CACNA1A: variants seen among roughly 807,000 people sequenced by gnomAD.
CACNA1A encodes calcium voltage-gated channel subunit alpha1 A.
CACNA1A carries 57 observed loss-of-function variants against 262.4 expected under a neutral mutation model. The ratio of observed to expected loss-of-function variants is 0.22; its 90% confidence interval spans 0.18 to 0.27. CACNA1A has a LOEUF of 0.27. Ranked by LOEUF, CACNA1A falls within the 10% of genes least tolerant of loss-of-function variation. The pLI is 1.00. For synonymous variants in CACNA1A, 1,431 were observed against 1,419.3 expected (o/e 1.01, Z -0.18); for missense variants, 2,526 against 3,562.8 (o/e 0.71, Z 7.41).
chr19:13,367,998 G>T (rs2059247755), intron 4 of CACNA1A, among the ~76,000 whole-genome samples: 1 of 151,934 alleles, frequency 6.6e-6, no homozygotes, highest in Non-Finnish European at 1.5e-5. Flanking sequence ...TTCCACTGTT[G>T]TAAGACTCGA....
chr19:13,401,012 C>A (rs2059891562), intron 3 of CACNA1A, among the ~76,000 whole-genome samples: 1 of 152,080 alleles, frequency 6.6e-6, no homozygotes, highest in Non-Finnish European at 1.5e-5. Context: ...TTTTTAGAGA[C>A]AGGGTTTTGC....
chr19:13,432,330 G>A (rs966117926), intron 3 of CACNA1A, among the ~76,000 whole-genome samples: 1 of 151,382 alleles, frequency 6.6e-6, no homozygotes. Context: ...CTGGAGAATC[G>A]CTTGAACCCA....
rs373022893 is a variant in CACNA1A at position 13,360,340 on chromosome 19, G to C, written c.785-541C>G. Among the ~76,000 whole-genome samples the C allele has an allele frequency of 5.4e-4, 81 of 150,986 alleles. 2 individuals carry two copies. In the South Asian group the frequency reaches 0.017, roughly 31 times the overall value. ...GAGAACGGGGGGAGAGAGAGAGCGA[G>C]AGAGAAGTATAAAACAATATAATGA... On this transcript the variant is annotated intron_variant, in intron 5 of 46. Coordinates refer to ENST00000360228, the MANE Select transcript of CACNA1A (RefSeq NM_001127222.2).
chr19:13,348,245 A>G (rs2145199795), intron 6 of CACNA1A, among the ~76,000 whole-genome samples: 1 of 152,348 alleles, frequency 6.6e-6, no homozygotes, highest in South Asian at 2.1e-4. Flanking sequence ...TTATGATCAC[A>G]AATTAAACGC....
At chr19:13,239,635 G>C (rs1189143199) in intron 31 of CACNA1A, among the ~76,000 whole-genome samples, 1 of 152,166 alleles carries the variant, frequency 6.6e-6, no homozygotes, top group Non-Finnish European at 1.5e-5. Flanking sequence ...CCCTCTAAGG[G>C]CCTCATTGGT....
At chr19:13,257,288 T>G in intron 28 of CACNA1A, 62 bp downstream of exon 28, 2 of 1,370,210 alleles carry the variant, frequency 1.5e-6, no homozygotes, top group Non-Finnish European at 2.1e-6. Flanking sequence ...GGGTGTTGTG[T>G]GTGTTTTAAA....
intron 23 of CACNA1A, among the ~76,000 whole-genome samples, chr19:13,276,737 A>C (rs1600226395): frequency 7.7e-6 from 1 of 129,214 alleles, no homozygotes. Flanking sequence ...TCGCTGTGTC[A>C]CCCAGGCTGG....
Position 13,216,647 on chromosome 19 carries a change from T to TTATC in CACNA1A, c.5732-2043_5732-2040dup, listed in dbSNP as rs71168686. ...CTGGCCTATTATTTTTTTTAAAAAT[T>TTATC]TATCTATCTATCTATCTATCTATCT... On this transcript the variant is annotated intron_variant, in intron 38 of 46. Transcript: ENST00000360228. Among the ~76,000 whole-genome samples, 751 of 149,334 alleles carry TTATC rather than the reference T, an allele frequency of 5.0e-3. 3 individuals are homozygous for TTATC. Among genetic ancestry groups the TTATC allele is most frequent in the Non-Finnish European group, 6.5e-3 (440 of 67,456 alleles).
chr19:13,294,567 A>T (rs1261517463), intron 19 of CACNA1A, among the ~76,000 whole-genome samples: 5 of 138,406 alleles, frequency 3.6e-5, no homozygotes, highest in Non-Finnish European at 7.5e-5. Context: ...ATCTCAGCTC[A>T]CTGTAACCTC....
intron 6 of CACNA1A, among the ~76,000 whole-genome samples, chr19:13,344,817 C>T (rs900942140): frequency 7.9e-5 from 12 of 151,996 alleles, no homozygotes; most frequent in South Asian, 4.1e-4. Flanking sequence ...TGTGATGGCA[C>T]GATCTAGGCT....
intron 28 of CACNA1A, 156 bp downstream of exon 28, chr19:13,257,194 C>G: frequency 1.6e-6 from 1 of 611,198 alleles, no homozygotes; most frequent in Non-Finnish European, 2.9e-6. Context: ...TCTGGAAACT[C>G]CATGAAGGGC....
chr19:13,453,871 ACG>A (rs1379738488), intron 2 of CACNA1A, among the ~76,000 whole-genome samples: 3 of 152,010 alleles, frequency 2.0e-5, no homozygotes, highest in Non-Finnish European at 2.9e-5. Context: ...CTTTCAATGG[ACG>A]CTTTTTATTT....
intron 24 of CACNA1A, among the ~76,000 whole-genome samples, chr19:13,267,841 C>T (rs756448824): frequency 7.2e-5 from 11 of 151,906 alleles, no homozygotes; most frequent in Non-Finnish European, 1.6e-4. Flanking sequence ...AGTGCAGTAG[C>T]GGGATCTTGG....
chr19:13,374,430 TG>T (rs2059372281), intron 3 of CACNA1A, among the ~76,000 whole-genome samples: 1 of 152,034 alleles, frequency 6.6e-6, no homozygotes, highest in African/African-American at 2.4e-5. Context: ...AAATTTTTTT[TG>T]TAGAGATGGG....
chr19:13,336,596 A>AGAGAGAGGGAGAGAGAGG (rs763741285), intron 6 of CACNA1A, among the ~76,000 whole-genome samples: 3 of 89,600 alleles, frequency 3.3e-5, no homozygotes, highest in Non-Finnish European at 6.4e-5. Context: ...AGAGAGAGGG[A>AGAGAGAGGGAGAGAGAGG]GAGAGAGAGA....
chr19:13,209,172 A>G, intron 45 of CACNA1A, 140 bp downstream of exon 45: 1 of 1,321,198 alleles, frequency 7.6e-7, no homozygotes, highest in Non-Finnish European at 1.0e-6. Flanking sequence ...AGGTTCCTGC[A>G]GCTGCTGCCT....
chr19:13,212,144 C>T lies in CACNA1A; in HGVS notation c.6262G>A (p.Gly2088Ser), dbSNP rs1259126760. 5.0e-6 allele frequency: 8 copies of T among 1,613,684 alleles called. No homozygotes were observed. Among genetic ancestry groups the T allele is most frequent in the Admixed American group, 1.7e-5 (1 of 59,990 alleles). ...AGGCGGGGCATGGAGGCAGCCCGGC[C>T]CTGGCCTTCCATGGGGAGGTAGTGC... ...SEHYLPMEGQ[G>S]RAASMPRLPA... is the part of the protein sequence containing the mutation. Residue 2088 changes from glycine (G) to serine (S), a missense_variant, in exon 43 of 47, where the codon GGC (glycine) becomes AGC (serine). By Grantham distance (56) the Gly-to-Ser change is moderately conservative. Transcript: ENST00000360228. The surrounding 1 kb of genome is among the most constrained non-coding windows in gnomAD (Gnocchi z 5.6).
intron 1 of CACNA1A, among the ~76,000 whole-genome samples, chr19:13,492,295 G>A (rs1464085565): frequency 6.6e-6 from 1 of 152,164 alleles, no homozygotes; most frequent in Non-Finnish European, 1.5e-5. Context: ...ACAGCCCACA[G>A]AGATCTGGAA....
intron 36 of CACNA1A, chr19:13,229,860 T>A (rs1303108384): frequency 4.5e-6 from 2 of 442,704 alleles, no homozygotes; most frequent in African/African-American, 3.9e-5. Context: ...CTCCCTCATT[T>A]CCCAGAAAGT....
Sources: gnomAD v4.1 joint callset for allele counts (sites outside exome capture counted in the v4.1 genomes callset) on GRCh38, gnomAD v4.1.1 for gene constraint, Gnocchi (gnomAD v3.1) non-coding constraint, MANE v1.5 for transcripts, NCBI Gene and HGNC (gene_info 2026-07-23, HGNC 2026-07-21) for gene names.